Variants in NRXN3 observed in about 807,000 individuals in gnomAD.
NRXN3 encodes the protein neurexin III.
Under a neutral mutation model 137.6 loss-of-function variants are expected in NRXN3, and 32 were observed. The observed-to-expected ratio is 0.23, with a 90% confidence interval of 0.18 to 0.31. The LOEUF (loss-of-function observed/expected upper bound fraction) is 0.31. Ranked by LOEUF, NRXN3 falls within the 10% of genes least tolerant of loss-of-function variation. The pLI, the probability that NRXN3 is intolerant of heterozygous loss-of-function variation, is 1.00. For missense variants in NRXN3, 1,574 were observed against 2,062.5 expected, an observed-to-expected ratio of 0.76 and a Z score of 4.59; for synonymous variants, 798 against 784.5, an observed-to-expected ratio of 1.02 and a Z score of -0.29.
intron 10 of NRXN3, among the ~76,000 whole-genome samples, chr14:78,859,744 G>A (rs1270926192): frequency 1.3e-5 from 2 of 152,072 alleles, no homozygotes; most frequent in East Asian, 3.9e-4. Flanking sequence ...TATTCAGTAA[G>A]TGCCTGTTTA....
intron 4 of NRXN3, among the ~76,000 whole-genome samples, chr14:78,529,503 T>C (rs563466403): frequency 2.1e-4 from 32 of 152,310 alleles, no homozygotes; most frequent in African/African-American, 7.2e-4. Context: ...CAGGTCAAAA[T>C]CATTTTCTTG....
At chr14:78,896,794 A>G (rs1031307846) in intron 10 of NRXN3, among the ~76,000 whole-genome samples, 2 of 152,004 alleles carry the variant, frequency 1.3e-5, no homozygotes, top group African/African-American at 4.8e-5. Flanking sequence ...CAAACAGCAT[A>G]GAAATAGAAT....
At chr14:79,017,896 G>A (rs1402711283) in intron 15 of NRXN3, among the ~76,000 whole-genome samples, 1 of 151,954 alleles carries the variant, frequency 6.6e-6, no homozygotes, top group Admixed American at 6.6e-5. Flanking sequence ...AGAAAATCAG[G>A]AGTCCTTATC....
chr14:79,530,366 T>A (rs962212751), intron 16 of NRXN3, among the ~76,000 whole-genome samples: 5 of 152,098 alleles, frequency 3.3e-5, no homozygotes, highest in African/African-American at 1.2e-4. Context: ...ATTTAAAAAA[T>A]TTTAATTATA....
intron 1 of NRXN3, among the ~76,000 whole-genome samples, chr14:78,186,110 C>T (rs1047596925): frequency 1.3e-5 from 2 of 152,128 alleles, no homozygotes; most frequent in Non-Finnish European, 2.9e-5. Context: ...TAAGCTGGGC[C>T]ATAGAGCCAA....
chr14:79,660,372 C>T (rs988877813), intron 16 of NRXN3, among the ~76,000 whole-genome samples: 12 of 152,072 alleles, frequency 7.9e-5, no homozygotes, highest in Admixed American at 2.0e-4. Context: ...AGATCTAGCA[C>T]GGCCACATTT....
At chr14:79,670,976 T>G (rs1267566214) in intron 17 of NRXN3, among the ~76,000 whole-genome samples, 1 of 152,132 alleles carries the variant, frequency 6.6e-6, no homozygotes, top group Non-Finnish European at 1.5e-5. Flanking sequence ...GAGGGACATG[T>G]GCACTGAATA....
At chr14:79,657,332 C>G (rs1046089302) in intron 16 of NRXN3, among the ~76,000 whole-genome samples, 1 of 152,038 alleles carries the variant, frequency 6.6e-6, no homozygotes, top group African/African-American at 2.4e-5. Flanking sequence ...TTTTCCTCTC[C>G]CCTGCTTTTC....
At chr14:79,829,904 G>T (rs1368546000) in intron 20 of NRXN3, among the ~76,000 whole-genome samples, 1 of 152,152 alleles carries the variant, frequency 6.6e-6, no homozygotes, top group Admixed American at 6.5e-5. Context: ...AACACACTCT[G>T]AATAGAGAAG....
intron 2 of NRXN3, among the ~76,000 whole-genome samples, chr14:78,262,438 C>T (rs1198777544): frequency 1.3e-5 from 2 of 152,056 alleles, no homozygotes; most frequent in African/African-American, 2.4e-5. Context: ...GTAAAGGAAG[C>T]TCTGTTGTGG....
At chr14:78,744,178 G>A (rs547498462) in intron 8 of NRXN3, among the ~76,000 whole-genome samples, 2 of 152,138 alleles carry the variant, frequency 1.3e-5, no homozygotes, top group Non-Finnish European at 2.9e-5. Flanking sequence ...GTCTCACTCT[G>A]CCACCTAGGC....
chr14:79,009,449 C>T (rs563209219), intron 15 of NRXN3, among the ~76,000 whole-genome samples: 1 of 152,280 alleles, frequency 6.6e-6, no homozygotes, highest in African/African-American at 2.4e-5. Flanking sequence ...TGCTAAACCA[C>T]AGGAACTCCT....
intron 10 of NRXN3, among the ~76,000 whole-genome samples, chr14:78,867,087 G>A (rs1044508522): frequency 1.3e-5 from 2 of 152,054 alleles, no homozygotes; most frequent in East Asian, 1.9e-4. Context: ...GTGGGCCACC[G>A]CACCTGGCAG....
intron 20 of NRXN3, among the ~76,000 whole-genome samples, chr14:79,846,084 A>C (rs1346719117): frequency 6.6e-6 from 1 of 152,150 alleles, no homozygotes; most frequent in Non-Finnish European, 1.5e-5. Flanking sequence ...TCACCATAAC[A>C]GATACAGTAA....
At chr14:79,561,182 G>A (rs891794274) in intron 16 of NRXN3, among the ~76,000 whole-genome samples, 9 of 152,102 alleles carry the variant, frequency 5.9e-5, no homozygotes, top group South Asian at 2.1e-4. Context: ...TGCAAGAGAC[G>A]GATGTTGTCA....
At chr14:78,986,848 C>T (rs1441821269) in intron 14 of NRXN3, among the ~76,000 whole-genome samples, 2 of 151,536 alleles carry the variant, frequency 1.3e-5, no homozygotes, top group Non-Finnish European at 2.9e-5. Flanking sequence ...TGGTGAAACC[C>T]TGTCTCTACT....
At chr14:78,379,071 T>C (rs2153628777) in intron 4 of NRXN3, among the ~76,000 whole-genome samples, 1 of 151,826 alleles carries the variant, frequency 6.6e-6, no homozygotes, top group South Asian at 2.1e-4. Flanking sequence ...AACTTGGTAA[T>C]ATAAAATAGA....
At chr14:79,500,236 CAAAAAA>C (rs34976297) in intron 16 of NRXN3, among the ~76,000 whole-genome samples, 171 of 88,436 alleles carry the variant, frequency 1.9e-3, no homozygotes, top group African/African-American at 6.8e-3. Context: ...AAAAAGAAGG[CAAAAAA>C]AAAAAAAAAA....
At chr14:78,190,793 C>G (rs1334533279) in intron 1 of NRXN3, among the ~76,000 whole-genome samples, 1 of 152,094 alleles carries the variant, frequency 6.6e-6, no homozygotes, top group Non-Finnish European at 1.5e-5. Flanking sequence ...CGTGCCTCAG[C>G]CTCCCGAGTA....
Sources: allele counts gnomAD v4.1 joint callset (sites outside exome capture counted in the v4.1 genomes callset), GRCh38; gene constraint gnomAD v4.1.1; transcripts MANE v1.5; gene names NCBI Gene and HGNC (gene_info 2026-07-23, HGNC 2026-07-21).